SGCZ: variants seen among roughly 807,000 people sequenced by gnomAD.
SGCZ encodes zeta-sarcoglycan.
SGCZ carries 40 observed loss-of-function variants against 41.3 expected under a neutral mutation model. That is an observed-to-expected ratio of 0.97 (90% CI 0.75 to 1.26). The LOEUF (loss-of-function observed/expected upper bound fraction) is 1.26. SGCZ is among the 50% of genes most tolerant of loss of function. SGCZ has a pLI of 0.00. For synonymous variants in SGCZ, 206 were observed against 137.5 expected, an observed-to-expected ratio of 1.50 and a Z score of -3.49; for missense variants, 552 against 369.8, an observed-to-expected ratio of 1.49 and a Z score of -4.04.
chr8:14,848,627 G>A lies in SGCZ; in HGVS notation c.40-293701C>T, dbSNP rs1803216396. Among the ~76,000 whole-genome samples, 2 of 152,130 alleles carry A rather than the reference G, an allele frequency of 1.3e-5. 1 individual carries two copies. The highest frequency in any genetic ancestry group is 4.8e-5 in the African/African-American group (2 of 41,440). On this transcript the variant is annotated intron_variant, in intron 1 of 7. Coordinates refer to ENST00000382080, the MANE Select transcript of SGCZ (RefSeq NM_139167.4). Reference sequence around the variant, plus strand: ...GGATAATCTTTCAACAAGTGGTGTTGGGACTACTGGATAACCATATGTAAG... The same window carrying A: ...GGATAATCTTTCAACAAGTGGTGTTAGGACTACTGGATAACCATATGTAAG...
intron 1 of SGCZ, among the ~76,000 whole-genome samples, chr8:15,166,242 T>A (rs1387461932): frequency 6.7e-6 from 1 of 150,230 alleles, no homozygotes; most frequent in African/African-American, 2.4e-5. Flanking sequence ...CTTTTTTTTT[T>A]CTTTTTTTTT....
chr8:14,756,288 C>T (rs190766047), intron 1 of SGCZ, among the ~76,000 whole-genome samples: 1 of 150,938 alleles, frequency 6.6e-6, no homozygotes, highest in African/African-American at 2.4e-5. Context: ...CACGTTCAAG[C>T]GATCCTCCTG....
chr8:14,621,541 T>G (rs1190457586), intron 1 of SGCZ, among the ~76,000 whole-genome samples: 1 of 152,088 alleles, frequency 6.6e-6, no homozygotes, highest in Non-Finnish European at 1.5e-5. Flanking sequence ...TAGGTTTAAT[T>G]GACTCCCAGT....
intron 3 of SGCZ, among the ~76,000 whole-genome samples, chr8:14,283,168 T>C (rs957719432): frequency 7.0e-6 from 1 of 142,848 alleles, no homozygotes; most frequent in Non-Finnish European, 1.5e-5. Flanking sequence ...TTTAACCAGC[T>C]CTCTCCTTCT....
At chr8:14,262,231 A>C (rs1799699266) in intron 3 of SGCZ, among the ~76,000 whole-genome samples, 1 of 152,200 alleles carries the variant, frequency 6.6e-6, no homozygotes. Flanking sequence ...CTAAAAAGCA[A>C]GGACCTTACT....
intron 1 of SGCZ, among the ~76,000 whole-genome samples, chr8:15,037,174 T>C (rs926318634): frequency 6.6e-6 from 1 of 152,106 alleles, no homozygotes; most frequent in Non-Finnish European, 1.5e-5. Flanking sequence ...GTCTCCATGA[T>C]CCCCACATGT....
chr8:15,119,956 C>T (rs1585583803), intron 1 of SGCZ, among the ~76,000 whole-genome samples: 1 of 152,032 alleles, frequency 6.6e-6, no homozygotes, highest in African/African-American at 2.4e-5. Flanking sequence ...ACTATAGGTG[C>T]ATTCCACCAA....
At chr8:14,927,212 C>T (rs1318161223) in intron 1 of SGCZ, among the ~76,000 whole-genome samples, 1 of 148,926 alleles carries the variant, frequency 6.7e-6, no homozygotes, top group Non-Finnish European at 1.5e-5. Flanking sequence ...AGGTTGACGC[C>T]ATTCTCCTGC....
intron 1 of SGCZ, among the ~76,000 whole-genome samples, chr8:14,753,193 ATC>A (rs1333740343): frequency 1.3e-5 from 2 of 152,066 alleles, no homozygotes; most frequent in East Asian, 3.9e-4. Context: ...CCCCACCATT[ATC>A]TCTCTGTCTT....
intron 4 of SGCZ, among the ~76,000 whole-genome samples, chr8:14,226,709 G>T (rs1806385439): frequency 6.6e-6 from 1 of 152,034 alleles, no homozygotes; most frequent in Middle Eastern, 3.4e-3. Flanking sequence ...TTTAACTTGG[G>T]CAATCACCTA....
chr8:15,157,412 G>T (rs541698931), intron 1 of SGCZ, among the ~76,000 whole-genome samples: 4 of 150,184 alleles, frequency 2.7e-5, no homozygotes, highest in Admixed American at 6.6e-5. Context: ...AAGCAAGACC[G>T]TCTCTTAAGG....
intron 1 of SGCZ, among the ~76,000 whole-genome samples, chr8:14,590,322 A>T (rs767032236): frequency 3.8e-4 from 58 of 152,032 alleles, no homozygotes; most frequent in Non-Finnish European, 6.9e-4. Context: ...AAAGAAGCTC[A>T]TGACAGAGCA....
chr8:14,372,926 G>A (rs548230292), intron 2 of SGCZ, among the ~76,000 whole-genome samples: 19 of 152,230 alleles, frequency 1.2e-4, no homozygotes, highest in African/African-American at 4.3e-4. Flanking sequence ...GAAATAAAAA[G>A]CCACTGTAAG....
At chr8:14,532,168 T>C (rs750507266) in intron 2 of SGCZ, among the ~76,000 whole-genome samples, 1 of 152,098 alleles carries the variant, frequency 6.6e-6, no homozygotes, top group Admixed American at 6.6e-5. Context: ...GGTATGCTTG[T>C]GTGATCAAAG....
intron 1 of SGCZ, among the ~76,000 whole-genome samples, chr8:15,046,677 C>T (rs1286133861): frequency 6.6e-6 from 1 of 151,948 alleles, no homozygotes; most frequent in Non-Finnish European, 1.5e-5. Context: ...GCTAGATGTG[C>T]TCATTGTTAC....
intron 3 of SGCZ, among the ~76,000 whole-genome samples, chr8:14,249,116 G>T (rs1193986984): frequency 6.6e-6 from 1 of 152,130 alleles, no homozygotes; most frequent in Non-Finnish European, 1.5e-5. Flanking sequence ...ATTTGAATCA[G>T]TAGTCCCATT....
At chr8:14,993,196 A>G (rs986305692) in intron 1 of SGCZ, among the ~76,000 whole-genome samples, 2 of 152,286 alleles carry the variant, frequency 1.3e-5, no homozygotes, top group Admixed American at 6.5e-5. Flanking sequence ...CCTTTAACTC[A>G]CGAAGAGTAA....
intron 2 of SGCZ, among the ~76,000 whole-genome samples, chr8:14,534,215 T>C (rs937845542): frequency 1.3e-5 from 2 of 151,866 alleles, no homozygotes; most frequent in African/African-American, 4.8e-5. Flanking sequence ...GCAGGAAATA[T>C]GAAGGAGAAG....
At chr8:14,094,164 T>C (rs1020918508) in intron 7 of SGCZ, among the ~76,000 whole-genome samples, 6 of 152,050 alleles carry the variant, frequency 3.9e-5, no homozygotes, top group Non-Finnish European at 7.4e-5. Flanking sequence ...TAACTATACT[T>C]TAATTTCTGG....
Sources: allele counts gnomAD v4.1 joint callset (sites outside exome capture counted in the v4.1 genomes callset), GRCh38; gene constraint gnomAD v4.1.1; transcripts MANE v1.5; gene names NCBI Gene and HGNC (gene_info 2026-07-23, HGNC 2026-07-21).